Variants in SLC6A11 observed in about 807,000 individuals in gnomAD.
SLC6A11 encodes solute carrier family 6 member 11.
SLC6A11 carries 25 observed loss-of-function variants against 74.8 expected under a neutral mutation model. That is an observed-to-expected ratio of 0.33 (90% confidence interval 0.24 to 0.47). The LOEUF is 0.47. Ranked by LOEUF, SLC6A11 falls within the 20% of genes least tolerant of loss-of-function variation. SLC6A11 has a pLI of 1.00. For missense variants in SLC6A11, 574 were observed against 837.0 expected, an observed-to-expected ratio of 0.69 and a Z score of 3.88; for synonymous variants, 330 against 330.2, an observed-to-expected ratio of 1.00 and a Z score of 0.01.
chr3:10,935,250 G>T, intron 13 of SLC6A11, 51 bp downstream of exon 13: 1 of 1,566,716 alleles, frequency 6.4e-7, no homozygotes, highest in South Asian at 1.1e-5. Flanking sequence ...TCGCGCCTTG[G>T]GTCCCAGTTT....
chr3:10,886,406 G>C (rs756343790), intron 6 of SLC6A11, among the ~76,000 whole-genome samples: 2 of 152,162 alleles, frequency 1.3e-5, no homozygotes, highest in Non-Finnish European at 2.9e-5. Context: ...GCAGGGCTCT[G>C]ACTTCTGCCT....
At chr3:10,936,734 T>G (rs1298925990) in intron 13 of SLC6A11, among the ~76,000 whole-genome samples, 1 of 152,178 alleles carries the variant, frequency 6.6e-6, no homozygotes, top group Non-Finnish European at 1.5e-5. Flanking sequence ...CCTGGGGCCT[T>G]AAAACCTTGA....
In SLC6A11 at chr3:10,889,205, C is replaced by T. The variant is rs139583186; in HGVS notation, c.891+14110C>T. Among the ~76,000 whole-genome samples, 17 of 152,210 alleles carry T rather than the reference C, an allele frequency of 1.1e-4. No individual in the cohort carries two copies. The East Asian group carries it at 3.1e-3, about 28-fold the overall frequency. ...ACACCTCCTCCCAACACCCATTTCC[C>T]ATATTAGGAACATCTTGCATTTGGG... On this transcript the variant is annotated intron_variant, in intron 6 of 13. Coordinates refer to ENST00000254488, the MANE Select transcript of SLC6A11 (RefSeq NM_014229.3).
chr3:10,844,604 G>A (rs1008102172), intron 5 of SLC6A11, among the ~76,000 whole-genome samples: 1 of 152,190 alleles, frequency 6.6e-6, no homozygotes, highest in Admixed American at 6.5e-5. Context: ...GTCTTATTGA[G>A]TTGAGAGTTA....
At chr3:10,832,385 G>T (rs1694309174) in intron 4 of SLC6A11, among the ~76,000 whole-genome samples, 1 of 152,192 alleles carries the variant, frequency 6.6e-6, no homozygotes, top group Admixed American at 6.5e-5. Context: ...TGCTGAGTAG[G>T]GGCTTGGGCC....
intron 5 of SLC6A11, among the ~76,000 whole-genome samples, chr3:10,847,357 T>C (rs1559558892): frequency 6.6e-6 from 1 of 152,232 alleles, no homozygotes; most frequent in Non-Finnish European, 1.5e-5. Context: ...CAATGATTAT[T>C]GGTTGCAGCT....
At chr3:10,822,315 A>G (rs1163184706) in intron 3 of SLC6A11, among the ~76,000 whole-genome samples, 3 of 152,152 alleles carry the variant, frequency 2.0e-5, no homozygotes, top group Non-Finnish European at 4.4e-5. Context: ...TGGGGAGCTC[A>G]TGGTCTGGTG....
intron 6 of SLC6A11, among the ~76,000 whole-genome samples, chr3:10,881,997 C>T (rs1041736222): frequency 2.6e-5 from 4 of 152,284 alleles, no homozygotes; most frequent in South Asian, 4.1e-4. Flanking sequence ...TATACAAGGA[C>T]GTTCCCTGGG....
chr3:10,870,132 C>T (rs924861179), intron 5 of SLC6A11, among the ~76,000 whole-genome samples: 4 of 152,180 alleles, frequency 2.6e-5, no homozygotes, highest in Admixed American at 2.0e-4. Flanking sequence ...CCCATGTTCA[C>T]AGACAGGAGA....
chr3:10,890,164 C>A (rs568779752), intron 6 of SLC6A11, among the ~76,000 whole-genome samples: 7 of 152,060 alleles, frequency 4.6e-5, no homozygotes, highest in African/African-American at 1.7e-4. Flanking sequence ...ATAGAACATT[C>A]TATTGGACAT....
At chr3:10,930,158 G>A (rs1207305638) in intron 10 of SLC6A11, among the ~76,000 whole-genome samples, 1 of 152,200 alleles carries the variant, frequency 6.6e-6, no homozygotes, top group African/African-American at 2.4e-5. Flanking sequence ...ATGCCACCTT[G>A]TTGCATCTAC....
In SLC6A11 at chr3:10,935,061, G is replaced by A; in HGVS notation, c.1608G>A (p.Lys536=). The A allele has an allele frequency of 6.2e-7, 1 of 1,613,904 alleles. No homozygotes were observed. Among genetic ancestry groups the A allele is most frequent in the Non-Finnish European group, 8.5e-7 (1 of 1,179,954 alleles). The change falls in exon 13 of 14, where the codon AAG becomes AAA. Residue 536 remains lysine, a synonymous_variant. Coordinates refer to ENST00000254488, the MANE Select transcript of SLC6A11 (RefSeq NM_014229.3). ...GIFIFFLIKY[K]PLKYNNIYTY... ...TCATCTTCTTCTTGATCAAGTACAAGCCACTCAAGTACAACAACATCTACA... is the reference window on the plus strand; with the variant it reads ...TCATCTTCTTCTTGATCAAGTACAAACCACTCAAGTACAACAACATCTACA...
intron 6 of SLC6A11, among the ~76,000 whole-genome samples, chr3:10,885,551 CG>C (rs886872778): frequency 1.6e-4 from 24 of 149,964 alleles, no homozygotes; most frequent in African/African-American, 5.6e-4. Flanking sequence ...GGGTAGAGCC[CG>C]GGGTACTGCT....
chr3:10,826,483 T>C (rs1295151880), intron 4 of SLC6A11, among the ~76,000 whole-genome samples: 1 of 152,234 alleles, frequency 6.6e-6, no homozygotes, highest in Admixed American at 6.5e-5. Flanking sequence ...GGTCTCTGTG[T>C]TAGTTACTGT....
At chr3:10,904,646 C>G (rs902931326) in intron 6 of SLC6A11, among the ~76,000 whole-genome samples, 5 of 152,152 alleles carry the variant, frequency 3.3e-5, no homozygotes, top group African/African-American at 1.2e-4. Context: ...AGATGCTGGT[C>G]AGTAGGGCTC....
rs115561490 is a variant in SLC6A11, at chr3:10,889,389, G to A, written c.891+14294G>A. Among the ~76,000 whole-genome samples, 269 of 152,172 alleles carry A rather than the reference G, an allele frequency of 1.8e-3. 1 individual carries two copies. The highest frequency in any genetic ancestry group is 6.2e-3 in the African/African-American group (256 of 41,512). On this transcript the variant is annotated intron_variant, in intron 6 of 13. Transcript: ENST00000254488. ...AGCTCCAGTGAATGTGTAATGTCAC[G>A]CACCCACCACTGCAGTATCACACAG... is the stretch of plus-strand genomic sequence containing the variant.
chr3:10,833,305 A>G (rs1694322009), intron 4 of SLC6A11, among the ~76,000 whole-genome samples: 1 of 151,908 alleles, frequency 6.6e-6, no homozygotes, highest in Non-Finnish European at 1.5e-5. Context: ...CAGGTAATCC[A>G]CCCACCTTGG....
intron 6 of SLC6A11, among the ~76,000 whole-genome samples, chr3:10,906,534 G>A (rs1695305113): frequency 1.3e-5 from 2 of 152,168 alleles, no homozygotes; most frequent in Admixed American, 1.3e-4. Context: ...ACTCTCTTTG[G>A]GGGTAGAAGC....
chr3:10,865,592 G>A (rs1045029311), intron 5 of SLC6A11, among the ~76,000 whole-genome samples: 2 of 151,700 alleles, frequency 1.3e-5, no homozygotes, highest in Admixed American at 1.4e-4. Context: ...GAATCCAGGA[G>A]GTGGAGGCTG....
Sources: allele counts gnomAD v4.1 joint callset (sites outside exome capture counted in the v4.1 genomes callset), GRCh38; gene constraint gnomAD v4.1.1; transcripts MANE v1.5; gene names NCBI Gene and HGNC (gene_info 2026-07-23, HGNC 2026-07-21).